SNX27: variants seen among roughly 807,000 people sequenced by gnomAD.
SNX27 encodes sorting nexin 27, also known as sorting nexin-27.
Under a neutral mutation model 71.6 loss-of-function variants are expected in SNX27, and 22 were observed. The observed-to-expected ratio is 0.31, with a 90% CI of 0.22 to 0.44. SNX27 has a LOEUF of 0.44. Ranked by LOEUF, SNX27 falls within the 20% of genes least tolerant of loss-of-function variation. SNX27 has a pLI of 1.00. For synonymous variants in SNX27, 269 were observed against 277.2 expected (o/e 0.97, Z 0.29); for missense variants, 531 against 698.6 (o/e 0.76, Z 2.70).
At chr1:151,653,358 A>G (rs1001905920) in intron 2 of SNX27, among the ~76,000 whole-genome samples, 1 of 152,166 alleles carries the variant, frequency 6.6e-6, no homozygotes, top group Non-Finnish European at 1.5e-5. Flanking sequence ...GGAAATGGGC[A>G]ATACTCTTCT....
At chr1:151,652,403 CTT>C (rs993535169) in intron 2 of SNX27, among the ~76,000 whole-genome samples, 1 of 133,264 alleles carries the variant, frequency 7.5e-6, no homozygotes, top group Non-Finnish European at 1.6e-5. Context: ...GATACCACGC[CTT>C]TTTTTTTTTT....
At chr1:151,616,017 G>C (rs1211925562) in intron 1 of SNX27, among the ~76,000 whole-genome samples, 1 of 152,208 alleles carries the variant, frequency 6.6e-6, no homozygotes, top group Non-Finnish European at 1.5e-5. Context: ...ACTGCAGTAT[G>C]AACAAGCCCT....
chr1:151,688,622 A>C (rs886812734), intron 8 of SNX27, among the ~76,000 whole-genome samples: 18 of 131,648 alleles, frequency 1.4e-4, no homozygotes, highest in Non-Finnish European at 2.2e-4. Context: ...ACAGAGTGAG[A>C]CTCTGTCTCA....
chr1:151,656,039 C>T (rs1023694111), intron 2 of SNX27, among the ~76,000 whole-genome samples: 4 of 151,886 alleles, frequency 2.6e-5, no homozygotes, highest in Non-Finnish European at 5.9e-5. Context: ...CTGGCTAACA[C>T]GGTGAAACCC....
intron 3 of SNX27, among the ~76,000 whole-genome samples, chr1:151,659,118 C>T (rs1357106932): frequency 6.6e-6 from 1 of 152,160 alleles, no homozygotes. Flanking sequence ...CTGTATCCTA[C>T]ATGAAAACTT....
chr1:151,683,362 G>C lies in SNX27; in HGVS notation c.1156G>C (p.Asp386His), dbSNP rs138859961. ...AVTYFFHQAVDDVKKGYIKAE... is the reference protein window; with the variant it reads ...AVTYFFHQAVHDVKKGYIKAE... ...ACTTCTGTTTTGGTGATAGGCAGTC[G>C]ATGATGTGAAGAAAGGTTACATCAA... is the stretch of plus-strand genomic sequence containing the variant. Residue 386 changes from aspartate (D) to histidine (H), a missense_variant, in exon 8 of 12, where the codon GAT (aspartate) becomes CAT (histidine). Physicochemically the swap from Asp to His is moderately conservative, Grantham distance 81. This residue lies in a region of SNX27 where 184 missense variants were observed against 289.6 expected (regional missense o/e 0.64). Transcript: ENST00000458013. The C allele has an allele frequency of 1.7e-3, 2,809 of 1,611,546 alleles. 4 individuals carry two copies. The highest frequency in any genetic ancestry group is 2.0e-3 in the Non-Finnish European group (2,334 of 1,178,970).
At position 151,612,230 on chromosome 1, in the gene SNX27, A is replaced by G; in HGVS notation, c.29A>G (p.His10Arg). 1 of 1,395,480 alleles carries G rather than the reference A, an allele frequency of 7.2e-7. No individual in the cohort carries two copies. Among genetic ancestry groups the G allele is most frequent in the Non-Finnish European group, 9.3e-7 (1 of 1,074,902 alleles). 86.4% of individuals were successfully genotyped at this position (1,395,480 alleles called of 1,614,324 possible). Residue 10 changes from histidine to arginine, a missense_variant, in exon 1 of 12, where the codon CAT becomes CGT. Physicochemically the swap from His to Arg is conservative, Grantham distance 29. Coordinates refer to ENST00000458013, the MANE Select transcript of SNX27 (RefSeq NM_001330723.2). This position sits in a 1 kb window ranked among gnomAD's most constrained non-coding sequence, Gnocchi z 5.2. The part of the protein sequence containing the change: MADEDGEGI[H>R]PSAPHRNGGG... ...GCGGACGAGGACGGGGAAGGGATTCATCCCTCAGCCCCTCACAGGAACGGA... is the reference window on the plus strand; with the variant it reads ...GCGGACGAGGACGGGGAAGGGATTCGTCCCTCAGCCCCTCACAGGAACGGA...
In SNX27 at chr1:151,692,432, T is replaced by TTTTATTAAAAAAAA; in HGVS notation, c.1240-3_1240-2insTTTATTAAAAAAAA. On this transcript the variant is annotated splice_polypyrimidine_tract_variant and splice_region_variant and intron_variant, in intron 8 of 11. Coordinates refer to ENST00000458013, the MANE Select transcript of SNX27 (RefSeq NM_001330723.2). The stretch of plus-strand genomic sequence containing the variant: ...TTTTTTTTTTTTTTTTTTTTTTTTT[T>TTTTATTAAAAAAAA]AGTACCTCAACATGCTAAGGACTTG... 1.4e-6 allele frequency: 2 copies of TTTTATTAAAAAAAA among 1,452,068 alleles called. No homozygotes were observed. Among genetic ancestry groups the TTTTATTAAAAAAAA allele is most frequent in the Non-Finnish European group, 1.8e-6 (2 of 1,101,928 alleles). 89.9% of individuals were successfully genotyped at this position (1,452,068 alleles called of 1,614,324 possible).
intron 1 of SNX27, among the ~76,000 whole-genome samples, chr1:151,617,514 C>T (rs796217170): frequency 5.9e-5 from 9 of 152,252 alleles, no homozygotes; most frequent in African/African-American, 1.7e-4. Flanking sequence ...AAACTCCCCA[C>T]CTCAGGTGAT....
At chr1:151,690,137 C>T (rs1160009674) in intron 8 of SNX27, among the ~76,000 whole-genome samples, 1 of 152,180 alleles carries the variant, frequency 6.6e-6, no homozygotes, top group Non-Finnish European at 1.5e-5. Context: ...GCATGAGCCA[C>T]CACACCCAGC....
At chr1:151,623,994 CTCTT>C (rs1667799698) in intron 1 of SNX27, among the ~76,000 whole-genome samples, 1 of 152,130 alleles carries the variant, frequency 6.6e-6, no homozygotes. Context: ...CAAGGTATCA[CTCTT>C]TCACCCATGC....
At chr1:151,673,483 A>G (rs1306988655) in intron 7 of SNX27, among the ~76,000 whole-genome samples, 1 of 152,186 alleles carries the variant, frequency 6.6e-6, no homozygotes. Flanking sequence ...TGCTGAGGAA[A>G]AGAATGAGTG....
At chr1:151,641,598 GATATAT>G (rs56886589) in intron 2 of SNX27, among the ~76,000 whole-genome samples, 1,140 of 78,980 alleles carry the variant, frequency 0.014, 23 homozygotes, top group East Asian at 0.023. Context: ...TCCTTTATCA[GATATAT>G]ATATATATAT....
intron 1 of SNX27, among the ~76,000 whole-genome samples, chr1:151,623,262 T>C (rs1284163915): frequency 1.3e-5 from 2 of 152,200 alleles, no homozygotes; most frequent in African/African-American, 4.8e-5. Flanking sequence ...TGACTCAGCC[T>C]CCCGAGTAGC....
intron 2 of SNX27, among the ~76,000 whole-genome samples, chr1:151,656,087 G>A (rs1669672019): frequency 6.6e-6 from 1 of 152,068 alleles, no homozygotes; most frequent in Admixed American, 6.5e-5. Context: ...GCCGGCCATG[G>A]TGGTGGGTGC....
intron 2 of SNX27, among the ~76,000 whole-genome samples, chr1:151,649,710 C>T (rs1292713634): frequency 6.6e-6 from 1 of 151,960 alleles, no homozygotes; most frequent in African/African-American, 2.4e-5. Context: ...AGTTTACTCT[C>T]TTTTTAAAAA....
chr1:151,693,000 A>G lies in SNX27; in HGVS notation c.1479A>G (p.Gly493=), dbSNP rs764119856. 6.2e-7 allele frequency: 1 copy of G among 1,614,146 alleles called. No individual in the cohort carries two copies. Among genetic ancestry groups the G allele is most frequent in the South Asian group, 1.1e-5 (1 of 91,088 alleles). ...GMAFCFEYAR[G]EKKPRWVKIF... ...CCTTCTGTTTCGAATATGCACGAGG[A>G]GAGAAGAAGCCCCGATGGGTTAAAA... The change falls in exon 10 of 12, where the codon GGA becomes GGG. Residue 493 remains glycine (G), a synonymous_variant. Coordinates refer to ENST00000458013, the MANE Select transcript of SNX27 (RefSeq NM_001330723.2).
At chr1:151,620,454 C>T (rs1370364290) in intron 1 of SNX27, among the ~76,000 whole-genome samples, 1 of 152,200 alleles carries the variant, frequency 6.6e-6, no homozygotes, top group East Asian at 1.9e-4. Context: ...CTAAGAACAA[C>T]TAAGCTCTGA....
In SNX27 at chr1:151,621,689, C is replaced by T. The variant is rs1313237384; in HGVS notation, c.311+9177C>T. On this transcript the variant is annotated intron_variant, in intron 1 of 11. Transcript: ENST00000458013. The stretch of plus-strand genomic sequence containing the variant: ...AACTAGGAAGGTTGTCTCTTCCACC[C>T]GCAAATACCACAGTACTTTTATATC... Among the ~76,000 whole-genome samples, 4 of 152,282 alleles carry T rather than the reference C, an allele frequency of 2.6e-5. No homozygotes were observed. The South Asian group carries it at 8.3e-4, about 32-fold the overall frequency.
Sources: gnomAD v4.1 joint callset for allele counts (sites outside exome capture counted in the v4.1 genomes callset) on GRCh38, gnomAD v4.1.1 for gene constraint, gnomAD v4.1.1 regional missense constraint, Gnocchi (gnomAD v3.1) non-coding constraint, MANE v1.5 for transcripts, NCBI Gene and HGNC (gene_info 2026-07-23, HGNC 2026-07-21) for gene names.